Variants in RUVBL1 observed in about 807,000 individuals in gnomAD.
RUVBL1 encodes RuvB like AAA ATPase 1, also known as ruvB-like 1.
In RUVBL1, 4 loss-of-function variants were observed where a neutral mutation model predicts 52.4. The observed-to-expected ratio is 0.08, with a 90% confidence interval of 0.04 to 0.17. The LOEUF (loss-of-function observed/expected upper bound fraction) is 0.17. Ranked by LOEUF, RUVBL1 falls within the 10% of genes least tolerant of loss-of-function variation. RUVBL1 has a pLI of 1.00. For missense variants in RUVBL1, 298 were observed against 572.8 expected, an observed-to-expected ratio of 0.52 and a Z score of 4.90; for synonymous variants, 217 against 214.4, an observed-to-expected ratio of 1.01 and a Z score of -0.10.
chr3:128,086,869 A>ATAT (rs1406203753), intron 9 of RUVBL1, among the ~76,000 whole-genome samples: 1 of 152,246 alleles, frequency 6.6e-6, no homozygotes, highest in Admixed American at 6.5e-5. Flanking sequence ...GCCCACGCTC[A>ATAT]TACATCCCTG....
chr3:128,090,531 A>C (rs1185960804), intron 8 of RUVBL1, among the ~76,000 whole-genome samples: 2 of 152,226 alleles, frequency 1.3e-5, no homozygotes, highest in Admixed American at 6.5e-5. Flanking sequence ...AACAAAAAAA[A>C]ATTAAAATCT....
chr3:128,133,335 G>A (rs905522767), intron 1 of RUVBL1, among the ~76,000 whole-genome samples: 9 of 152,172 alleles, frequency 5.9e-5, no homozygotes, highest in African/African-American at 2.2e-4. Context: ...TCTGAGGGAA[G>A]GACATAAGCC....
intron 8 of RUVBL1, among the ~76,000 whole-genome samples, chr3:128,091,088 CT>C (rs1462258223): frequency 2.6e-5 from 4 of 152,240 alleles, no homozygotes; most frequent in African/African-American, 9.6e-5. Context: ...GAAAAGGCTG[CT>C]GAGGACTGCT....
intron 3 of RUVBL1, 89 bp from the exon 4 acceptor site, chr3:128,105,013 C>A: frequency 7.1e-7 from 1 of 1,406,984 alleles, no homozygotes; most frequent in Non-Finnish European, 9.7e-7. Context: ...CCAGAACTGC[C>A]AAATCAACCT....
exon 10 of RUVBL1, chr3:128,064,938 G>A (rs1367335280): frequency 3.1e-6 from 5 of 1,614,088 alleles, no homozygotes; most frequent in Non-Finnish European, 4.2e-6. Context: ...GCACAGACAA[G>A]GTCCGAGCCC....
Position 128,123,614 on chromosome 3 carries a change from T to C in RUVBL1, c.111A>G (p.Ser37=). The C allele has an allele frequency of 6.2e-7, 1 of 1,611,162 alleles. No homozygotes were observed. The highest frequency in any genetic ancestry group is 8.5e-7 in the Non-Finnish European group (1 of 1,179,132). ...DESGLAKQAA[S]GLVGQENARE... ...GCGCGTTCTCCTGGCCCACAAGCCC[T>C]GAGGCCGCCTGCTTGGCCAAGCCGC... The change falls in exon 1 of 11, where the codon TCA becomes TCG. Residue 37 remains serine, a synonymous_variant. Transcript: ENST00000322623.
intron 3 of RUVBL1, among the ~76,000 whole-genome samples, chr3:128,106,985 A>C (rs1435644897): frequency 6.6e-6 from 1 of 152,168 alleles, no homozygotes; most frequent in Non-Finnish European, 1.5e-5. Context: ...ACTTTACAAT[A>C]ATCCACCAAG....
chr3:128,126,575 C>G (rs937766223), upstream of RUVBL1, among the ~76,000 whole-genome samples: 1 of 152,092 alleles, frequency 6.6e-6, no homozygotes, highest in African/African-American at 2.4e-5. Flanking sequence ...TTGATCTGGC[C>G]TAGCATTCTC....
chr3:128,093,242 C>T (rs766508030), intron 8 of RUVBL1, among the ~76,000 whole-genome samples: 6 of 152,102 alleles, frequency 3.9e-5, no homozygotes, highest in Non-Finnish European at 8.8e-5. Context: ...CACAAAAGAC[C>T]AGATTATATG....
chr3:128,103,321 A>G (rs1943147360), intron 4 of RUVBL1, among the ~76,000 whole-genome samples: 1 of 152,232 alleles, frequency 6.6e-6, no homozygotes, highest in African/African-American at 2.4e-5. Context: ...AGATGTAATT[A>G]CTGGAAAGGT....
chr3:128,135,611 T>C (rs1259230317), intron 1 of RUVBL1, among the ~76,000 whole-genome samples: 1 of 152,124 alleles, frequency 6.6e-6, no homozygotes, highest in Non-Finnish European at 1.5e-5. Context: ...AAAATATACT[T>C]CAAACATAAA....
intron 8 of RUVBL1, among the ~76,000 whole-genome samples, chr3:128,091,712 C>G (rs554403787): frequency 6.6e-6 from 1 of 152,234 alleles, no homozygotes; most frequent in South Asian, 2.1e-4. Context: ...TGTTTTGGAC[C>G]AAATTAACTC....
chr3:128,129,584 A>C (rs998271197), intron 1 of RUVBL1, among the ~76,000 whole-genome samples: 2 of 152,246 alleles, frequency 1.3e-5, no homozygotes, highest in African/African-American at 2.4e-5. Flanking sequence ...AGATTAGAGA[A>C]TAGCAGTATT....
intron 8 of RUVBL1, among the ~76,000 whole-genome samples, chr3:128,093,319 G>A (rs1237768519): frequency 1.3e-5 from 2 of 152,224 alleles, no homozygotes; most frequent in Non-Finnish European, 2.9e-5. Context: ...ATGGTTGCCA[G>A]TGGATGGGGG....
At chr3:128,112,619 T>C (rs1352944970) in intron 3 of RUVBL1, among the ~76,000 whole-genome samples, 1 of 152,184 alleles carries the variant, frequency 6.6e-6, no homozygotes, top group Non-Finnish European at 1.5e-5. Flanking sequence ...ATATGACTCA[T>C]TAAAAAAACA....
At chr3:128,152,837 G>GGT (rs1466713365) in intron 1 of RUVBL1, among the ~76,000 whole-genome samples, 3 of 139,906 alleles carry the variant, frequency 2.1e-5, no homozygotes, top group African/African-American at 8.1e-5. Context: ...CACCTGAGAG[G>GGT]GTTGCTGCTG....
At chr3:128,104,533 T>C (rs1339542265) in intron 4 of RUVBL1, among the ~76,000 whole-genome samples, 1 of 152,352 alleles carries the variant, frequency 6.6e-6, no homozygotes, top group East Asian at 1.9e-4. Context: ...GCTCACATTT[T>C]AACATGCAGA....
At chr3:128,087,375 G>A (rs3732402) in intron 9 of RUVBL1, among the ~76,000 whole-genome samples, 95,665 of 152,148 alleles carry the variant, frequency 0.63, 30,214 homozygotes, top group East Asian at 0.8. Context: ...TTTTTATAGA[G>A]CTGGTAGCCT....
intron 8 of RUVBL1, among the ~76,000 whole-genome samples, chr3:128,092,038 T>C (rs777468022): frequency 3.3e-5 from 5 of 152,120 alleles, no homozygotes; most frequent in Non-Finnish European, 7.4e-5. Context: ...GGACACACAG[T>C]AAGAGTGCTA....
Sources: gnomAD v4.1 joint callset for allele counts (sites outside exome capture counted in the v4.1 genomes callset) on GRCh38, gnomAD v4.1.1 for gene constraint, MANE v1.5 for transcripts, NCBI Gene and HGNC (gene_info 2026-07-23, HGNC 2026-07-21) for gene names.